Variants in MYH13 observed in about 807,000 individuals in gnomAD.
The protein encoded by MYH13 is myosin heavy chain 13, also known as myosin-13.
MYH13 carries 177 observed loss-of-function variants against 232.1 expected under a neutral mutation model. The ratio of observed to expected loss-of-function variants is 0.76; its 90% CI spans 0.67 to 0.86. The LOEUF (loss-of-function observed/expected upper bound fraction) is 0.86, where lower values mean the gene tolerates loss of function less well. Among genes scored for constraint, MYH13 ranks in the 40% least tolerant of loss-of-function variants. The pLI is 0.00. For synonymous variants in MYH13, 884 were observed against 923.5 expected (o/e 0.96, Z 0.78); for missense variants, 2,246 against 2,405.9 (o/e 0.93, Z 1.39).
intron 33 of MYH13, 52 bp from the exon 34 acceptor site, chr17:10,309,882 A>G (rs1906443876): frequency 1.9e-5 from 28 of 1,446,152 alleles, no homozygotes; most frequent in Non-Finnish European, 2.5e-5. Flanking sequence ...CACCTTCATG[A>G]ATGGGTATTT....
At chr17:10,354,094 G>A (rs1334873148) in intron 11 of MYH13, among the ~76,000 whole-genome samples, 3 of 152,092 alleles carry the variant, frequency 2.0e-5, no homozygotes, top group Non-Finnish European at 4.4e-5. Context: ...GACAATGCAG[G>A]TAAAGCCACT....
At chr17:10,321,824 AC>A in intron 23 of MYH13, 116 bp from the exon 24 acceptor site, 2 of 883,238 alleles carry the variant, frequency 2.3e-6, no homozygotes, top group Non-Finnish European at 3.4e-6. Flanking sequence ...TTTGGCTACT[AC>A]TTTTTTACCT....
intron 37 of MYH13, 22 bp from the exon 38 acceptor site, chr17:10,303,520 C>T (rs1386371523): frequency 1.9e-6 from 3 of 1,604,858 alleles, no homozygotes; most frequent in African/African-American, 2.7e-5. Context: ...GAAAGGAACA[C>T]AGAATTCAAA....
At position 10,313,155 on chromosome 17, in the gene MYH13, T is replaced by A. The variant is rs1161263030; in HGVS notation, c.4181+3A>T. On this transcript the variant is annotated splice_donor_region_variant and intron_variant, in intron 30 of 40. Transcript: ENST00000252172. Reference sequence around the variant, plus strand: ...TCTGCTATTGCCACCCTGGAGCCCCTACTTGGCCTCCTCCAGCTCCTCTGT... The same window carrying A: ...TCTGCTATTGCCACCCTGGAGCCCCAACTTGGCCTCCTCCAGCTCCTCTGT... 6.2e-7 allele frequency: 1 copy of A among 1,613,988 alleles called. No homozygotes were observed. The highest frequency in any genetic ancestry group is 1.3e-5 in the African/African-American group (1 of 74,930).
rs35276725 is a variant in MYH13, at chr17:10,316,461, CA to C, written c.3739-437del. ...TGGCGGCAAGAGTGAAACTCCGTCT[CA>C]AAAAAAAAAATCATAATTATTTCAG... On this transcript the variant is annotated intron_variant, in intron 27 of 40. Transcript: ENST00000252172. 2.5e-3 allele frequency among the ~76,000 whole-genome samples: 371 copies of C among 146,888 alleles called. 4 individuals carry two copies. The East Asian group carries it at 0.027, about 11-fold the overall frequency.
intron 22 of MYH13, 122 bp from the exon 23 acceptor site, chr17:10,324,386 A>C: frequency 8.9e-7 from 1 of 1,121,760 alleles, no homozygotes; most frequent in Non-Finnish European, 1.3e-6. Context: ...ATGCACACAC[A>C]TGCACGCACA....
chr17:10,350,748 G>T, intron 11 of MYH13, 54 bp from the exon 12 acceptor site: 1 of 1,607,458 alleles, frequency 6.2e-7, no homozygotes. Flanking sequence ...TCCATATGCA[G>T]CCTTTTCTTG....
intron 8 of MYH13, among the ~76,000 whole-genome samples, chr17:10,357,031 G>A (rs2071754621): frequency 6.6e-6 from 1 of 152,038 alleles, no homozygotes; most frequent in African/African-American, 2.4e-5. Context: ...TGCAACTTCG[G>A]CTCCCTGCAA....
intron 18 of MYH13, among the ~76,000 whole-genome samples, chr17:10,335,105 G>A (rs1284980735): frequency 1.3e-5 from 2 of 152,086 alleles, no homozygotes; most frequent in African/African-American, 2.4e-5. Flanking sequence ...TGAGCATCCC[G>A]ATTCAGAAAA....
At chr17:10,348,013 C>A (rs1000349570) in intron 12 of MYH13, among the ~76,000 whole-genome samples, 2 of 152,054 alleles carry the variant, frequency 1.3e-5, no homozygotes, top group African/African-American at 4.8e-5. Flanking sequence ...GCCCAGCCCC[C>A]AGGGATAACT....
At chr17:10,359,894 G>C in intron 7 of MYH13, 66 bp downstream of exon 7, 2 of 1,424,184 alleles carry the variant, frequency 1.4e-6, no homozygotes, top group South Asian at 2.3e-5. Context: ...CATACACTTG[G>C]TGCTCATCCA....
intron 12 of MYH13, among the ~76,000 whole-genome samples, chr17:10,347,712 CTTTTTTTTTTTT>C (rs71139041): frequency 1.2e-4 from 10 of 86,728 alleles, no homozygotes; most frequent in East Asian, 4.1e-4. Flanking sequence ...GGGACTACTT[CTTTTTTTTTTTT>C]TTTTTTTTTT....
intron 11 of MYH13, among the ~76,000 whole-genome samples, chr17:10,354,346 C>T (rs1366291222): frequency 6.6e-6 from 1 of 152,136 alleles, no homozygotes; most frequent in African/African-American, 2.4e-5. Flanking sequence ...CTTGAAGAAC[C>T]ATGTAGATGG....
In MYH13 at chr17:10,345,633, C is replaced by G. The variant is rs1273111126; in HGVS notation, c.1264-17G>C. 2 of 1,614,136 alleles carry G rather than the reference C, an allele frequency of 1.2e-6. No homozygotes were observed. Among genetic ancestry groups the G allele is most frequent in the Admixed American group, 1.7e-5 (1 of 60,002 alleles). ...ATTGGTCACCTTGAAAAAGGATCACCCACTCAACCCTTGAGTTAGTGTTTC... is the reference window on the plus strand; with the variant it reads ...ATTGGTCACCTTGAAAAAGGATCACGCACTCAACCCTTGAGTTAGTGTTTC... On this transcript the variant is annotated splice_polypyrimidine_tract_variant and intron_variant, in intron 13 of 40. Transcript: ENST00000252172.
At chr17:10,346,828 CA>C in intron 12 of MYH13, 30 bp from the exon 13 acceptor site, 1 of 1,542,708 alleles carries the variant, frequency 6.5e-7, no homozygotes, top group Non-Finnish European at 9.0e-7. Context: ...TGGCATCATG[CA>C]AAAACAGTAG....
chr17:10,315,091 AGT>A (rs1487343013), intron 29 of MYH13, among the ~76,000 whole-genome samples: 1 of 152,154 alleles, frequency 6.6e-6, no homozygotes, highest in Non-Finnish European at 1.5e-5. Flanking sequence ...AGAATGATCA[AGT>A]GTGTGCAGTG....
Position 10,356,309 on chromosome 17 carries a change from GT to G in MYH13, c.739-1163del, listed in dbSNP as rs544608982. 4.4e-3 allele frequency among the ~76,000 whole-genome samples: 666 copies of G among 152,216 alleles called. 5 individuals carry two copies. Among genetic ancestry groups the G allele is most frequent in the African/African-American group, 0.015 (628 of 41,512 alleles). On this transcript the variant is annotated intron_variant, in intron 8 of 40. Coordinates refer to ENST00000252172, the MANE Select transcript of MYH13 (RefSeq NM_003802.3). ...AGCGGCTTAACAGAAGACAATGGAA[GT>G]CATCCCTAGCCTGCAAATATTTGGA...
Position 10,345,357 on chromosome 17 carries a change from G to T in MYH13, c.1429C>A (p.Gln477Lys). The T allele has an allele frequency of 6.2e-7, 1 of 1,614,232 alleles. No homozygotes were observed. Among genetic ancestry groups the T allele is most frequent in the Non-Finnish European group, 8.5e-7 (1 of 1,180,050 alleles). The change falls in exon 15 of 41, where the codon CAG becomes AAG. Residue 477 changes from glutamine (Q) to lysine (K), a missense_variant. Coordinates refer to ENST00000252172, the MANE Select transcript of MYH13 (RefSeq NM_003802.3). The stretch of plus-strand genomic sequence containing the variant: ...TCATTGGTGAAGTTGATGCACAGCT[G>T]CTCCAGGCTGTTGAACTGGGTGATT... Reference protein sequence around the residue: ...FEIFDFNSLEQLCINFTNEKL... With the variant: ...FEIFDFNSLEKLCINFTNEKL...
At chr17:10,355,673 A>G (rs757177032) in intron 8 of MYH13, among the ~76,000 whole-genome samples, 2 of 152,014 alleles carry the variant, frequency 1.3e-5, no homozygotes, top group Non-Finnish European at 2.9e-5. Flanking sequence ...TGTTCCCACA[A>G]CTCAGGGGAT....
Sources: gnomAD v4.1 joint callset for allele counts (sites outside exome capture counted in the v4.1 genomes callset) on GRCh38, gnomAD v4.1.1 for gene constraint, MANE v1.5 for transcripts, NCBI Gene and HGNC (gene_info 2026-07-23, HGNC 2026-07-21) for gene names.